The following CHP1 variants were observed in gnomAD, a reference collection of about 807,000 sequenced individuals.
CHP1 encodes the protein calcineurin like EF-hand protein 1.
In CHP1, 11 loss-of-function variants were observed where a neutral mutation model predicts 27.4. That is an observed-to-expected ratio of 0.40 (90% CI 0.25 to 0.67). The LOEUF is 0.67. CHP1 is among the 30% of genes least tolerant of loss of function. The pLI is 0.38. For missense variants in CHP1, 169 were observed against 251.3 expected, an observed-to-expected ratio of 0.67 and a Z score of 2.22; for synonymous variants, 89 against 87.4, an observed-to-expected ratio of 1.02 and a Z score of -0.10.
rs573889490 is a variant in CHP1 at position 41,268,954 on chromosome 15, T to C, written c.350-1603T>C. 5.3e-5 allele frequency among the ~76,000 whole-genome samples: 8 copies of C among 152,108 alleles called. 1 individual carries two copies. The highest frequency in any genetic ancestry group is 4.6e-4 in the Admixed American group (7 of 15,234). On this transcript the variant is annotated intron_variant, in intron 4 of 6. Coordinates refer to ENST00000334660, the MANE Select transcript of CHP1 (RefSeq NM_007236.5). ...CAGCCTGGGCAACAGAGCAAGACTC[T>C]GTCTCAACAACAACAACAAAAAACA...
intron 2 of CHP1, among the ~76,000 whole-genome samples, chr15:41,244,197 A>T (rs2047321831): frequency 2.4e-5 from 1 of 41,558 alleles, no homozygotes; most frequent in African/African-American, 1.4e-4. Context: ...GACTCCATCT[A>T]AAAAAAAAAA....
rs147092091 is a variant in CHP1, at chr15:41,276,156, G to A, written c.412-2611G>A. Among the ~76,000 whole-genome samples the A allele has an allele frequency of 1.2e-4, 18 of 151,554 alleles. 1 individual carries two copies. Among genetic ancestry groups the A allele is most frequent in the African/African-American group, 4.1e-4 (17 of 41,284 alleles). On this transcript the variant is annotated intron_variant, in intron 5 of 6. Coordinates refer to ENST00000334660, the MANE Select transcript of CHP1 (RefSeq NM_007236.5). ...CTCGAGAGGCTGAGGCAGGAGAATC[G>A]CCTGAACCTGGGAGGTAGAGGTTGC...
chr15:41,233,358 G>C (rs1436049573), intron 1 of CHP1, among the ~76,000 whole-genome samples: 1 of 152,138 alleles, frequency 6.6e-6, no homozygotes, highest in African/African-American at 2.4e-5. Flanking sequence ...AGAATGAAGG[G>C]AGCAGTAATC....
chr15:41,275,227 G>A (rs763073057), intron 5 of CHP1, among the ~76,000 whole-genome samples: 12 of 151,448 alleles, frequency 7.9e-5, no homozygotes, highest in Non-Finnish European at 1.8e-4. Context: ...GAGTAATCTC[G>A]GCTCACTGCA....
rs968752657 is a variant in CHP1 at position 41,264,196 on chromosome 15, C to T, written c.349+1313C>T. The T allele has an allele frequency of 7.0e-6, 9 of 1,286,286 alleles. No homozygotes were observed. The African/African-American group carries it at 9.1e-5, about 13-fold the overall frequency. 79.7% of individuals were successfully genotyped at this position (1,286,286 alleles called of 1,614,324 possible). On this transcript the variant is annotated intron_variant, in intron 4 of 6. Coordinates refer to ENST00000334660, the MANE Select transcript of CHP1 (RefSeq NM_007236.5). ...AAGAGAGATATATATAGAGAGAGAT[C>T]GAGACTGAAATTGAGCAACACTCCT... is the stretch of plus-strand genomic sequence containing the variant.
intron 2 of CHP1, among the ~76,000 whole-genome samples, chr15:41,249,216 A>G (rs779178274): frequency 4.6e-5 from 7 of 151,964 alleles, no homozygotes; most frequent in South Asian, 2.1e-4. Flanking sequence ...GTCTGACTCT[A>G]TTGCCCAGGC....
chr15:41,274,412 C>T (rs755472104), intron 5 of CHP1, among the ~76,000 whole-genome samples: 42 of 152,110 alleles, frequency 2.8e-4, no homozygotes, highest in African/African-American at 9.7e-4. Context: ...ATTAACAGAT[C>T]GGATGAGATA....
chr15:41,279,274 A>G, intron 6 of CHP1, 62 bp from the exon 7 acceptor site: 1 of 1,330,848 alleles, frequency 7.5e-7, no homozygotes, highest in Non-Finnish European at 1.1e-6. Context: ...TTACTCAGAT[A>G]AGAGCTTGGG....
In CHP1 at chr15:41,231,325, C is replaced by T; in HGVS notation, c.-58C>T. The T allele has an allele frequency of 6.7e-7, 1 of 1,498,378 alleles. No individual in the cohort carries two copies. Among genetic ancestry groups the T allele is most frequent in the Non-Finnish European group, 9.1e-7 (1 of 1,095,682 alleles). The allele number at this position is 1,498,378 out of a possible 1,614,324, so 92.8% of individuals were successfully genotyped here. Reference sequence around the variant, plus strand: ...CTAGCCCTTCCTTCCCTCCCTCCTTCCCTCCTGTCGCCGTCTCTTCTGGCG... The same window carrying T: ...CTAGCCCTTCCTTCCCTCCCTCCTTTCCTCCTGTCGCCGTCTCTTCTGGCG... On this transcript the variant is annotated 5_prime_UTR_variant, in exon 1 of 7. Coordinates refer to ENST00000334660, the MANE Select transcript of CHP1 (RefSeq NM_007236.5).
At chr15:41,277,389 A>C (rs1171961619) in intron 5 of CHP1, among the ~76,000 whole-genome samples, 1 of 152,224 alleles carries the variant, frequency 6.6e-6, no homozygotes, top group Admixed American at 6.5e-5. Context: ...CACGCCTATA[A>C]TCTCGGCACT....
At chr15:41,236,152 C>T (rs1002278710) in intron 1 of CHP1, among the ~76,000 whole-genome samples, 1 of 150,948 alleles carries the variant, frequency 6.6e-6, no homozygotes, top group African/African-American at 2.4e-5. Flanking sequence ...AATCATAGCT[C>T]ATTGCAGCCT....
chr15:41,231,919 G>A (rs2047247326), intron 1 of CHP1, among the ~76,000 whole-genome samples: 1 of 152,072 alleles, frequency 6.6e-6, no homozygotes, highest in Non-Finnish European at 1.5e-5. Flanking sequence ...GTCACAAATT[G>A]GGAAAACCAC....
intron 5 of CHP1, 112 bp downstream of exon 5, chr15:41,270,730 A>G (rs1286448541): frequency 2.5e-6 from 2 of 808,786 alleles, no homozygotes; most frequent in Non-Finnish European, 4.1e-6. Context: ...CTATGTGCAG[A>G]GTCCTGTCCT....
chr15:41,261,694 T>G lies in CHP1; in HGVS notation c.222-1062T>G, dbSNP rs180807437. ...TAACACGGTGAAACCCTGTCTGTAC[T>G]AAAAATACAAAAAATTAGGCTGGGT... is the stretch of plus-strand genomic sequence containing the variant. On this transcript the variant is annotated intron_variant, in intron 3 of 6. Coordinates refer to ENST00000334660, the MANE Select transcript of CHP1 (RefSeq NM_007236.5). Among the ~76,000 whole-genome samples, 162 of 151,714 alleles carry G rather than the reference T, an allele frequency of 1.1e-3. 2 individuals carry two copies. Among genetic ancestry groups the G allele is most frequent in the African/African-American group, 3.6e-3 (149 of 41,370 alleles).
intron 2 of CHP1, among the ~76,000 whole-genome samples, chr15:41,246,050 C>T (rs1226844131): frequency 1.3e-5 from 2 of 151,986 alleles, no homozygotes; most frequent in South Asian, 2.1e-4. Context: ...CAGCACCATT[C>T]GTTGAAGACG....
intron 2 of CHP1, among the ~76,000 whole-genome samples, chr15:41,244,106 G>A (rs2047321101): frequency 1.3e-5 from 2 of 150,640 alleles, no homozygotes; most frequent in African/African-American, 2.4e-5. Context: ...GCTGAGGTAG[G>A]AGAATTGCTT....
chr15:41,236,198 A>G (rs2047275962), intron 1 of CHP1, among the ~76,000 whole-genome samples: 1 of 150,952 alleles, frequency 6.6e-6, no homozygotes, highest in Non-Finnish European at 1.5e-5. Context: ...TCCACCCCAG[A>G]CTTTCAAAGT....
chr15:41,241,983 A>G (rs1180490347), intron 1 of CHP1, among the ~76,000 whole-genome samples: 1 of 151,958 alleles, frequency 6.6e-6, no homozygotes, highest in Non-Finnish European at 1.5e-5. Flanking sequence ...CTTACTTCCA[A>G]TCTATCAGGA....
chr15:41,262,965 C>G (rs2047441003), intron 4 of CHP1, 82 bp downstream of exon 4: 1 of 1,528,048 alleles, frequency 6.5e-7, no homozygotes, highest in African/African-American at 1.4e-5. Context: ...ATTATTTGAA[C>G]AAGCATCTAC....
Sources: gnomAD v4.1 joint callset for allele counts (sites outside exome capture counted in the v4.1 genomes callset) on GRCh38, gnomAD v4.1.1 for gene constraint, MANE v1.5 for transcripts, NCBI Gene and HGNC (gene_info 2026-07-23, HGNC 2026-07-21) for gene names.